ENTREP2: variants seen among roughly 807,000 people sequenced by gnomAD.
ENTREP2 encodes the protein protein ENTREP2.
chr15:29,313,365 G>A, the ENTREP2 span, among the ~76,000 whole-genome samples: 4 of 152,266 alleles, frequency 2.6e-5, no homozygotes, highest in African/African-American at 7.2e-5. Context: ...GAAAGATGAC[G>A]CCTGGCTTCA....
At chr15:29,501,028 G>A in the ENTREP2 span, among the ~76,000 whole-genome samples, 1 of 151,892 alleles carries the variant, frequency 6.6e-6, no homozygotes, top group African/African-American at 2.4e-5. Context: ...AAACAGACCT[G>A]TAGCTAATAA....
the ENTREP2 span, among the ~76,000 whole-genome samples, chr15:29,284,510 T>C: frequency 3.3e-5 from 5 of 149,614 alleles, no homozygotes; most frequent in Admixed American, 6.7e-5. Context: ...TGAGTAAAGA[T>C]TGCACCACTG....
chr15:29,362,367 CTTTT>C, the ENTREP2 span, among the ~76,000 whole-genome samples: 1 of 91,498 alleles, frequency 1.1e-5, no homozygotes, highest in Non-Finnish European at 2.0e-5. Flanking sequence ...TGTTTTTAAT[CTTTT>C]TTTTTTTTTT....
the ENTREP2 span, among the ~76,000 whole-genome samples, chr15:29,207,405 G>C: frequency 7.9e-5 from 10 of 126,702 alleles, no homozygotes; most frequent in East Asian, 2.5e-3. Flanking sequence ...AAGAGCAAGA[G>C]AACAGATCTT....
the ENTREP2 span, among the ~76,000 whole-genome samples, chr15:29,562,823 C>T: frequency 1.2e-3 from 179 of 152,130 alleles, no homozygotes; most frequent in African/African-American, 3.9e-3. Context: ...TAGGATTTCT[C>T]GCTGTCACCC....
chr15:29,128,843 C>T, the ENTREP2 span: 2 of 1,550,870 alleles, frequency 1.3e-6, no homozygotes, highest in Non-Finnish European at 1.7e-6. Context: ...GACTCGGCCA[C>T]CTGCTGACCT....
chr15:29,395,188 T>C, the ENTREP2 span, among the ~76,000 whole-genome samples: 82,485 of 149,356 alleles, frequency 0.55, 25,761 homozygotes, highest in Admixed American at 0.68. Flanking sequence ...GCGCCTGGCC[T>C]CTCCTTCCTT....
At chr15:29,538,648 A>C in the ENTREP2 span, among the ~76,000 whole-genome samples, 1 of 150,310 alleles carries the variant, frequency 6.7e-6, no homozygotes, top group African/African-American at 2.4e-5. Flanking sequence ...CAAAAAAAAA[A>C]AAAAAAAAAA....
the ENTREP2 span, among the ~76,000 whole-genome samples, chr15:29,143,640 G>T: frequency 3.7e-4 from 56 of 152,330 alleles, no homozygotes; most frequent in Middle Eastern, 6.8e-3. Flanking sequence ...ATTGGGAAAG[G>T]GTGGCCGAAG....
chr15:29,444,217 A>G, the ENTREP2 span, among the ~76,000 whole-genome samples: 1 of 151,280 alleles, frequency 6.6e-6, no homozygotes, highest in Non-Finnish European at 1.5e-5. Context: ...AAAGAAAGAA[A>G]GAAAGAAAGA....
the ENTREP2 span, among the ~76,000 whole-genome samples, chr15:29,324,487 TAAAAA>T: frequency 6.6e-6 from 1 of 151,990 alleles, no homozygotes; most frequent in Admixed American, 6.5e-5. Context: ...GTAGATAAAA[TAAAAA>T]GCCAACTATA....
chr15:29,490,881 G>A, the ENTREP2 span, among the ~76,000 whole-genome samples: 1 of 152,226 alleles, frequency 6.6e-6, no homozygotes, highest in Non-Finnish European at 1.5e-5. Context: ...GCTCTCCTCA[G>A]CCCTTGGGGG....
At chr15:29,519,413 C>G in the ENTREP2 span, among the ~76,000 whole-genome samples, 1 of 151,924 alleles carries the variant, frequency 6.6e-6, no homozygotes. Flanking sequence ...GATAGCAAGA[C>G]CAAGCCCTCC....
At chr15:29,326,659 C>T in the ENTREP2 span, among the ~76,000 whole-genome samples, 22 of 152,018 alleles carry the variant, frequency 1.4e-4, no homozygotes, top group African/African-American at 5.3e-4. Context: ...TCTATAAATC[C>T]AATGCAACCC....
chr15:29,334,704 G>A, the ENTREP2 span, among the ~76,000 whole-genome samples: 37 of 152,282 alleles, frequency 2.4e-4, no homozygotes, highest in African/African-American at 6.5e-4. Flanking sequence ...CACACCGGCC[G>A]GCCTGTGACT....
At chr15:29,674,046 G>C in the ENTREP2 span, among the ~76,000 whole-genome samples, 2 of 151,282 alleles carry the variant, frequency 1.3e-5, no homozygotes, top group Non-Finnish European at 2.9e-5. Context: ...TCAGGTAGGA[G>C]GGTGACTGAG....
the ENTREP2 span, among the ~76,000 whole-genome samples, chr15:29,390,117 G>T: frequency 2.0e-5 from 3 of 152,176 alleles, no homozygotes; most frequent in South Asian, 6.2e-4. Context: ...GACCAAGGGC[G>T]GTTGATGTAA....
At chr15:29,420,091 G>A in the ENTREP2 span, among the ~76,000 whole-genome samples, 4 of 152,184 alleles carry the variant, frequency 2.6e-5, no homozygotes, top group Admixed American at 2.6e-4. Context: ...AGCAGCAGCA[G>A]AGAAGAGAGA....
At chr15:29,208,197 T>C in the ENTREP2 span, among the ~76,000 whole-genome samples, 1 of 120,552 alleles carries the variant, frequency 8.3e-6, no homozygotes, top group African/African-American at 3.2e-5. Context: ...AGAATCCTAC[T>C]CAACACACTG....
Sources: allele counts gnomAD v4.1 joint callset (sites outside exome capture counted in the v4.1 genomes callset), GRCh38; gene constraint gnomAD v4.1.1; transcripts MANE v1.5; gene names NCBI Gene and HGNC (gene_info 2026-07-23, HGNC 2026-07-21).